The following PDHX variants were observed in gnomAD, a reference collection of about 807,000 sequenced individuals.
PDHX encodes the protein pyruvate dehydrogenase complex component X, also known as pyruvate dehydrogenase protein X component, mitochondrial.
Under a neutral mutation model 55.3 loss-of-function variants are expected in PDHX, and 33 were observed. The ratio of observed to expected loss-of-function variants is 0.60; its 90% CI spans 0.45 to 0.80. The LOEUF (loss-of-function observed/expected upper bound fraction) is 0.80, where lower values mean the gene tolerates loss of function less well. Ranked by LOEUF, PDHX falls within the 30% of genes least tolerant of loss-of-function variation. PDHX has a pLI of 0.00. For missense variants in PDHX, 622 were observed against 619.9 expected, an observed-to-expected ratio of 1.00 and a Z score of -0.04; for synonymous variants, 226 against 219.4, an observed-to-expected ratio of 1.03 and a Z score of -0.27.
At chr11:34,973,909 C>T (rs1186645340) in intron 7 of PDHX, among the ~76,000 whole-genome samples, 2 of 151,942 alleles carry the variant, frequency 1.3e-5, no homozygotes, top group African/African-American at 4.8e-5. Flanking sequence ...AAAGAACTTC[C>T]TTTAATGCTT....
intron 5 of PDHX, among the ~76,000 whole-genome samples, chr11:34,965,308 C>G (rs1855108063): frequency 6.6e-6 from 1 of 152,138 alleles, no homozygotes; most frequent in South Asian, 2.1e-4. Context: ...CTGACAGCTC[C>G]CAGAGGCCAC....
At chr11:34,943,182 T>G (rs1264245818) in intron 2 of PDHX, among the ~76,000 whole-genome samples, 1 of 152,184 alleles carries the variant, frequency 6.6e-6, no homozygotes, top group Non-Finnish European at 1.5e-5. Context: ...AAGCTCATAG[T>G]CTAGTAAATA....
At chr11:34,916,293 C>T (rs772530666), upstream of PDHX, 7 of 1,611,766 alleles carry the variant, frequency 4.3e-6, no homozygotes, top group Admixed American at 8.3e-5. Context: ...ATGGCCCAGA[C>T]CAGGGACCCG....
intron 2 of PDHX, among the ~76,000 whole-genome samples, chr11:34,946,027 A>G (rs1419943950): frequency 6.6e-6 from 1 of 152,146 alleles, no homozygotes; most frequent in Non-Finnish European, 1.5e-5. Flanking sequence ...ATTAGCAAAC[A>G]TTGCAGCCTC....
Position 34,939,504 on chromosome 11 carries a change from T to TGC in PDHX, c.242-8001_242-8000dup, listed in dbSNP as rs1554985388. Among the ~76,000 whole-genome samples, 319 of 148,510 alleles carry TGC rather than the reference T, an allele frequency of 2.1e-3. 6 individuals carry two copies. The highest frequency in any genetic ancestry group is 8.0e-3 in the South Asian group (38 of 4,736). ...GTGTGTGTGTGTGTGTGTGTGTGTG[T>TGC]GCACTTGCATGCGCGCAGCGTTTTA... On this transcript the variant is annotated intron_variant, in intron 2 of 10. Coordinates refer to ENST00000227868, the MANE Select transcript of PDHX (RefSeq NM_003477.3).
rs772315120 is a variant in PDHX at position 34,916,810 on chromosome 11, T to A, written c.155T>A (p.Leu52His). ...AGATGGTTTCACAGCACGCAGTGGC[T>A]TCGGGGTGAGTGGCCGGGGCTCGCT... ...NWRWFHSTQW[L>H]RGDPIKILMP... The change falls in exon 1 of 11, where the codon CTT (leucine) becomes CAT (histidine). Residue 52 changes from leucine to histidine, a missense_variant. Physicochemically the swap from Leu to His is moderately conservative, Grantham distance 99. Transcript: ENST00000227868. 8.3e-6 allele frequency: 13 copies of A among 1,574,964 alleles called. No homozygotes were observed. The highest frequency in any genetic ancestry group is 8.6e-6 in the Non-Finnish European group (10 of 1,160,726).
intron 9 of PDHX, among the ~76,000 whole-genome samples, chr11:34,990,780 C>A (rs1296447756): frequency 6.6e-6 from 1 of 152,064 alleles, no homozygotes; most frequent in African/African-American, 2.4e-5. Flanking sequence ...GTAATTGTTT[C>A]TGTTGGCAGT....
At chr11:34,977,941 C>T in intron 7 of PDHX, 183 bp from the exon 8 acceptor site, 1 of 607,744 alleles carries the variant, frequency 1.6e-6, no homozygotes, top group East Asian at 3.1e-5. Context: ...ATTATTGATC[C>T]AGGACCTCAT....
intron 1 of PDHX, among the ~76,000 whole-genome samples, chr11:34,917,255 T>G (rs541995798): frequency 6.6e-6 from 1 of 152,126 alleles, no homozygotes; most frequent in Admixed American, 6.5e-5. Context: ...TGTTAGGAGG[T>G]GTTTTCATTG....
At chr11:34,971,120 ATTC>A (rs1391672910) in intron 7 of PDHX, among the ~76,000 whole-genome samples, 2 of 152,188 alleles carry the variant, frequency 1.3e-5, no homozygotes, top group Admixed American at 6.5e-5. Context: ...TATCTTATAT[ATTC>A]TTCTTTATAC....
intron 2 of PDHX, among the ~76,000 whole-genome samples, chr11:34,939,468 G>GGTGTGTGT (rs68165754): frequency 6.7e-5 from 10 of 149,084 alleles, no homozygotes; most frequent in African/African-American, 2.5e-4. Flanking sequence ...TTTTACTAAT[G>GGTGTGTGT]GTGTGTGTGT....
chr11:34,936,582 G>C (rs1284712674), intron 2 of PDHX, among the ~76,000 whole-genome samples: 1 of 152,044 alleles, frequency 6.6e-6, no homozygotes, highest in East Asian at 1.9e-4. Context: ...ACTCTTGGAA[G>C]AAAGATGTCA....
chr11:34,986,029 AC>A (rs1321928055), intron 9 of PDHX, among the ~76,000 whole-genome samples: 1 of 152,198 alleles, frequency 6.6e-6, no homozygotes, highest in Admixed American at 6.5e-5. Flanking sequence ...ATGAGGCTGC[AC>A]ATGGTGGCTC....
chr11:34,973,789 A>G (rs1351267568), intron 7 of PDHX, among the ~76,000 whole-genome samples: 1 of 151,838 alleles, frequency 6.6e-6, no homozygotes, highest in African/African-American at 2.4e-5. Flanking sequence ...TAGCAAATAA[A>G]CTCTTTTGGA....
chr11:34,990,310 C>T (rs925169040), intron 9 of PDHX, among the ~76,000 whole-genome samples: 2 of 152,128 alleles, frequency 1.3e-5, no homozygotes, highest in Admixed American at 1.3e-4. Flanking sequence ...CTTCAGGTAA[C>T]ATGTACTTTG....
intron 10 of PDHX, among the ~76,000 whole-genome samples, chr11:34,993,411 C>T (rs1414069767): frequency 6.6e-6 from 1 of 151,870 alleles, no homozygotes; most frequent in Non-Finnish European, 1.5e-5. Context: ...GTGTTATCTT[C>T]TAAAAGCATT....
intron 9 of PDHX, among the ~76,000 whole-genome samples, chr11:34,987,021 C>G (rs1855661072): frequency 6.6e-6 from 1 of 152,158 alleles, no homozygotes; most frequent in Non-Finnish European, 1.5e-5. Context: ...GTTTTAGCAA[C>G]TTTGATAAAT....
upstream of PDHX, chr11:34,916,507 G>T: frequency 6.9e-7 from 1 of 1,455,224 alleles, no homozygotes; most frequent in Non-Finnish European, 9.0e-7. Context: ...CGTGGTTGGA[G>T]GCGGGGCTGG....
chr11:34,971,807 C>T (rs1320715681), intron 7 of PDHX, among the ~76,000 whole-genome samples: 1 of 151,802 alleles, frequency 6.6e-6, no homozygotes, highest in East Asian at 1.9e-4. Flanking sequence ...ATGTCCTCCT[C>T]CTTTATTTTC....
Sources: gnomAD v4.1 joint callset for allele counts (sites outside exome capture counted in the v4.1 genomes callset) on GRCh38, gnomAD v4.1.1 for gene constraint, MANE v1.5 for transcripts, NCBI Gene and HGNC (gene_info 2026-07-23, HGNC 2026-07-21) for gene names.